Variants in PLXNA4 observed in about 807,000 individuals in gnomAD.
The protein encoded by PLXNA4 is plexin A4.
A neutral mutation model predicts 191.8 loss-of-function variants in PLXNA4; 44 were observed. The observed-to-expected ratio is 0.23, with a 90% CI of 0.18 to 0.29. The LOEUF (loss-of-function observed/expected upper bound fraction) is 0.29, where lower values mean the gene tolerates loss of function less well. PLXNA4 is among the 10% of genes least tolerant of loss of function. PLXNA4 has a pLI of 1.00. For synonymous variants in PLXNA4, 1,082 were observed against 1,009.5 expected, an observed-to-expected ratio of 1.07 and a Z score of -1.36; for missense variants, 1,800 against 2,488.8, an observed-to-expected ratio of 0.72 and a Z score of 5.89.
chr7:132,253,583 G>A (rs1799330561), intron 4 of PLXNA4, among the ~76,000 whole-genome samples: 1 of 152,184 alleles, frequency 6.6e-6, no homozygotes, highest in East Asian at 1.9e-4. Flanking sequence ...TAATATTCTG[G>A]AACTATGGAA....
At position 132,165,146 on chromosome 7, in the gene PLXNA4, G is replaced by A. The variant is rs1166231046; in HGVS notation, c.4341C>T (p.Tyr1447=). Residue 1447 remains tyrosine, a synonymous_variant, in exon 23 of 32, where the codon TAC becomes TAT. Coordinates refer to ENST00000321063, the MANE Select transcript of PLXNA4 (RefSeq NM_020911.2). ...MLTNWFTFLL[Y]KFLKECAGEP... ...CATCCAACCCTACCTTGAGGAACTT[G>A]TAGAGGAGGAAAGTAAACCAATTGG... 1 of 1,613,342 alleles carries A rather than the reference G, an allele frequency of 6.2e-7. No homozygotes were observed. Among genetic ancestry groups the A allele is most frequent in the Middle Eastern group, 1.7e-4 (1 of 6,046 alleles).
intron 3 of PLXNA4, among the ~76,000 whole-genome samples, chr7:132,312,183 T>C (rs974235906): frequency 7.2e-6 from 1 of 138,528 alleles, no homozygotes; most frequent in Non-Finnish European, 1.5e-5. Flanking sequence ...TAAGTGCCTG[T>C]ATGGGTTACT....
intron 30 of PLXNA4, 118 bp downstream of exon 30, chr7:132,140,481 C>T (rs1795236681): frequency 7.0e-7 from 1 of 1,419,516 alleles, no homozygotes; most frequent in African/African-American, 1.4e-5. Context: ...CAGGATTAGG[C>T]TTTGTGAATG....
At chr7:132,142,935 C>CTTG (rs1390339821) in intron 29 of PLXNA4, among the ~76,000 whole-genome samples, 5 of 152,234 alleles carry the variant, frequency 3.3e-5, no homozygotes. Context: ...GTTTTGCTGA[C>CTTG]AGGCACAGCA....
intron 2 of PLXNA4, among the ~76,000 whole-genome samples, chr7:132,494,231 T>C (rs916062588): frequency 1.3e-5 from 2 of 152,204 alleles, no homozygotes; most frequent in African/African-American, 4.8e-5. Context: ...CAGAATCCGA[T>C]AGACATTTGG....
chr7:132,283,689 T>TA (rs1387494172), intron 4 of PLXNA4, among the ~76,000 whole-genome samples: 2 of 152,192 alleles, frequency 1.3e-5, no homozygotes, highest in African/African-American at 4.8e-5. Context: ...TGGGAAAAGA[T>TA]AGTTAAGTCT....
chr7:132,162,903 G>T (rs1381172391), intron 24 of PLXNA4, among the ~76,000 whole-genome samples: 1 of 152,134 alleles, frequency 6.6e-6, no homozygotes, highest in Non-Finnish European at 1.5e-5. Flanking sequence ...TCCCCAGCTA[G>T]CCACAGGCTC....
At chr7:132,190,783 G>A (rs1400814151) in intron 14 of PLXNA4, among the ~76,000 whole-genome samples, 3 of 152,220 alleles carry the variant, frequency 2.0e-5, no homozygotes, top group African/African-American at 7.2e-5. Flanking sequence ...TCCCTGCCAA[G>A]GACCACAGGA....
chr7:132,273,111 G>A (rs1800138039), intron 4 of PLXNA4, among the ~76,000 whole-genome samples: 2 of 152,156 alleles, frequency 1.3e-5, no homozygotes, highest in South Asian at 2.1e-4. Flanking sequence ...CCTGTATGGA[G>A]CAATCATAAA....
At chr7:132,418,268 C>T (rs1794732215) in intron 3 of PLXNA4, among the ~76,000 whole-genome samples, 1 of 152,200 alleles carries the variant, frequency 6.6e-6, no homozygotes, top group African/African-American at 2.4e-5. Flanking sequence ...GTTCATTCAT[C>T]CCTCCCCCAA....
intron 4 of PLXNA4, among the ~76,000 whole-genome samples, chr7:132,289,872 G>T (rs1198431927): frequency 6.6e-6 from 1 of 151,214 alleles, no homozygotes; most frequent in African/African-American, 2.4e-5. Flanking sequence ...GTCTCTCTAT[G>T]TTGCCCAGGT....
chr7:132,170,242 C>A (rs1419694186), intron 21 of PLXNA4, among the ~76,000 whole-genome samples: 1 of 152,118 alleles, frequency 6.6e-6, no homozygotes, highest in Non-Finnish European at 1.5e-5. Context: ...AATACTGACC[C>A]ACTTAATGCA....
intron 3 of PLXNA4, among the ~76,000 whole-genome samples, chr7:132,312,188 G>T (rs933770273): frequency 7.1e-6 from 1 of 141,336 alleles, no homozygotes; most frequent in Non-Finnish European, 1.5e-5. Context: ...GCCTGTATGG[G>T]TTACTCCTTC....
chr7:132,489,816 G>A (rs1318121046), intron 2 of PLXNA4, among the ~76,000 whole-genome samples: 1 of 152,130 alleles, frequency 6.6e-6, no homozygotes, highest in African/African-American at 2.4e-5. Context: ...AGCCTCACGT[G>A]GAAAAGCCCT....
At chr7:132,218,686 G>T (rs1374411720) in intron 9 of PLXNA4, among the ~76,000 whole-genome samples, 4 of 152,206 alleles carry the variant, frequency 2.6e-5, no homozygotes, top group African/African-American at 9.6e-5. Context: ...ACCAGTGGCT[G>T]CTCCTGCTCA....
chr7:132,590,687 C>T (rs1338194960), intron 2 of PLXNA4, among the ~76,000 whole-genome samples: 2 of 152,138 alleles, frequency 1.3e-5, no homozygotes, highest in Non-Finnish European at 2.9e-5. Flanking sequence ...TTAGCTGGTA[C>T]CCACGCAGAT....
chr7:132,412,024 C>T (rs1307550290), intron 3 of PLXNA4, among the ~76,000 whole-genome samples: 1 of 152,038 alleles, frequency 6.6e-6, no homozygotes, highest in Non-Finnish European at 1.5e-5. Flanking sequence ...TCAAAGGTGC[C>T]GAGTTTGTTC....
At chr7:132,141,665 T>A (rs575006022) in intron 29 of PLXNA4, among the ~76,000 whole-genome samples, 1 of 152,342 alleles carries the variant, frequency 6.6e-6, no homozygotes, top group South Asian at 2.1e-4. Flanking sequence ...GTGTCCAGAA[T>A]GCCTTCACAA....
Position 132,151,729 on chromosome 7 carries a change from C to T in PLXNA4, c.4661-3083G>A, listed in dbSNP as rs912105039. ...CCTGATGAAAGAGAGCCCAGACTGA[C>T]GGGCAGCTGGTGTGGGCAGCTCCAT... On this transcript the variant is annotated intron_variant, in intron 25 of 31. Coordinates refer to ENST00000321063, the MANE Select transcript of PLXNA4 (RefSeq NM_020911.2). Among the ~76,000 whole-genome samples, 5 of 152,138 alleles carry T rather than the reference C, an allele frequency of 3.3e-5. No homozygotes were observed. The South Asian group carries it at 6.2e-4, about 19-fold the overall frequency.
Sources: gnomAD v4.1 joint callset for allele counts (sites outside exome capture counted in the v4.1 genomes callset) on GRCh38, gnomAD v4.1.1 for gene constraint, MANE v1.5 for transcripts, NCBI Gene and HGNC (gene_info 2026-07-23, HGNC 2026-07-21) for gene names.